DST: variants seen among roughly 807,000 people sequenced by gnomAD.
DST encodes bullous pemphigoid antigen.
DST carries 253 observed loss-of-function variants against 875.2 expected under a neutral mutation model. The observed-to-expected ratio is 0.29, with a 90% CI of 0.26 to 0.32. DST has a LOEUF of 0.32. DST is among the 10% of genes least tolerant of loss of function. DST has a pLI of 1.00. For synonymous variants in DST, 3,124 were observed against 3,197.1 expected (o/e 0.98, Z 0.77); for missense variants, 8,287 against 9,111.6 (o/e 0.91, Z 3.68).
At chr6:56,787,411 A>G (rs1457999007) in intron 4 of DST, among the ~76,000 whole-genome samples, 2 of 152,232 alleles carry the variant, frequency 1.3e-5, no homozygotes, top group African/African-American at 4.8e-5. Context: ...TTGGAAGTAC[A>G]GGATTGAGTC....
In DST at chr6:56,511,370, G is replaced by T; in HGVS notation, c.18607C>A (p.Pro6203Thr). 2 of 1,607,166 alleles carry T rather than the reference G, an allele frequency of 1.2e-6. No individual in the cohort carries two copies. The highest frequency in any genetic ancestry group is 1.7e-6 in the Non-Finnish European group (2 of 1,176,614). The stretch of plus-strand genomic sequence containing the variant: ...GTTTTGTTCATCTTATCTATATGAG[G>T]CTTGTGTTCAGCTATCAACTCACGC... ...QLRELIAEHK[P>T]HIDKMNKTGP... The change falls in exon 73 of 104, where the codon CCT becomes ACT. Residue 6203 changes from proline (P) to threonine (T), a missense_variant. Physicochemically the swap from Pro to Thr is conservative, Grantham distance 38 (BLOSUM62 -1). Transcript: ENST00000680361.
intron 55 of DST, among the ~76,000 whole-genome samples, chr6:56,563,259 A>C (rs950590087): frequency 5.3e-5 from 8 of 152,066 alleles, no homozygotes; most frequent in African/African-American, 1.9e-4. Flanking sequence ...TTGTTTCCTG[A>C]CTTTTTAATG....
chr6:56,822,285 T>G (rs1343741693), intron 4 of DST, among the ~76,000 whole-genome samples: 1 of 151,890 alleles, frequency 6.6e-6, no homozygotes, highest in Non-Finnish European at 1.5e-5. Context: ...ACAAGGTGAG[T>G]CCTACTATTA....
intron 4 of DST, among the ~76,000 whole-genome samples, chr6:56,779,855 C>T (rs951832436): frequency 1.4e-5 from 2 of 146,654 alleles, no homozygotes; most frequent in African/African-American, 5.1e-5. Flanking sequence ...AGGTATATCT[C>T]CTAATGCTAT....
chr6:56,466,383 A>G, intron 98 of DST, 188 bp from the exon 99 acceptor site: 1 of 397,778 alleles, frequency 2.5e-6, no homozygotes, highest in Non-Finnish European at 4.4e-6. Context: ...ATTTAGCCCA[A>G]AGGAAACAGT....
chr6:56,726,891 G>C (rs2099462514), intron 5 of DST, among the ~76,000 whole-genome samples: 1 of 152,204 alleles, frequency 6.6e-6, no homozygotes, highest in Non-Finnish European at 1.5e-5. Context: ...AGAGGCCGCA[G>C]ATGCATTGTT....
intron 62 of DST, among the ~76,000 whole-genome samples, chr6:56,535,928 G>T (rs920422279): frequency 9.9e-5 from 15 of 152,138 alleles, no homozygotes; most frequent in African/African-American, 3.6e-4. Flanking sequence ...TATTGTAAGT[G>T]CTATGGATTA....
chr6:56,886,648 G>A (rs916614159), intron 3 of DST, among the ~76,000 whole-genome samples: 1 of 152,088 alleles, frequency 6.6e-6, no homozygotes, highest in African/African-American at 2.4e-5. Context: ...GGTGGCACAT[G>A]CCTGTAATCC....
chr6:56,927,207 G>A (rs1807638449), intron 2 of DST, among the ~76,000 whole-genome samples: 1 of 152,004 alleles, frequency 6.6e-6, no homozygotes, highest in Admixed American at 6.6e-5. Flanking sequence ...GTCATTTCTG[G>A]ATTCATTTAA....
chr6:56,582,139 T>C (rs2098015324), intron 49 of DST, among the ~76,000 whole-genome samples: 1 of 152,184 alleles, frequency 6.6e-6, no homozygotes. Context: ...CTCCAATCAC[T>C]TCTCTAATAT....
chr6:56,609,077 T>C lies in DST; in HGVS notation c.5551A>G (p.Thr1851Ala). 2 of 1,613,878 alleles carry C rather than the reference T, an allele frequency of 1.2e-6. No homozygotes were observed. Among genetic ancestry groups the C allele is most frequent in the Non-Finnish European group, 1.7e-6 (2 of 1,179,790 alleles). ...AGAGCATCCAGTACTGGAATTGTGG[T>C]AGGTGACGCAGCAGAAATAATCTCC... ...AKEIISAASP[T>A]TIPVLDALAQ... Residue 1851 changes from threonine to alanine, a missense_variant, in exon 40 of 104, where the codon ACC (threonine) becomes GCC (alanine). Transcript: ENST00000680361.
chr6:56,821,016 A>G (rs1468571943), intron 4 of DST, among the ~76,000 whole-genome samples: 2 of 152,218 alleles, frequency 1.3e-5, no homozygotes, highest in African/African-American at 4.8e-5. Context: ...TTTTAAAATA[A>G]CACGGCTAAT....
At chr6:56,744,015 G>A (rs1419436396) in intron 4 of DST, among the ~76,000 whole-genome samples, 2 of 152,046 alleles carry the variant, frequency 1.3e-5, no homozygotes, top group Non-Finnish European at 2.9e-5. Flanking sequence ...AGGGCATGGT[G>A]ACAGGCACCT....
intron 56 of DST, 119 bp downstream of exon 56, chr6:56,562,019 A>C (rs1160669515): frequency 2.6e-5 from 14 of 541,082 alleles, no homozygotes; most frequent in Non-Finnish European, 6.2e-6. Context: ...TATTAGATTA[A>C]ATACCATTGT....
intron 4 of DST, among the ~76,000 whole-genome samples, chr6:56,779,969 T>G (rs1337735498): frequency 2.1e-5 from 3 of 145,832 alleles, no homozygotes; most frequent in Non-Finnish European, 3.0e-5. Context: ...AGTGAGAACA[T>G]GGGGTGTTTG....
rs191366471 is a variant in DST at position 56,701,878 on chromosome 6, A to G, written c.954+10T>C. 29 of 1,561,266 alleles carry G rather than the reference A, an allele frequency of 1.9e-5. No homozygotes were observed. In the Admixed American group the frequency reaches 4.9e-4, roughly 27 times the overall value. The stretch of plus-strand genomic sequence containing the variant: ...ATTTATATGATTACAGTATTTTCAA[A>G]ACATCATACCTGGCGTCTTTTCAAA... On this transcript the variant is annotated intron_variant, in intron 8 of 103. Coordinates refer to ENST00000680361, the MANE Select transcript of DST (RefSeq NM_001374736.1).
At chr6:56,769,012 T>G (rs2099642236) in intron 4 of DST, among the ~76,000 whole-genome samples, 1 of 152,144 alleles carries the variant, frequency 6.6e-6, no homozygotes, top group African/African-American at 2.4e-5. Context: ...TGAGACTCCA[T>G]CGCAATATAC....
intron 4 of DST, among the ~76,000 whole-genome samples, chr6:56,783,608 C>T (rs2099698891): frequency 1.3e-5 from 2 of 152,132 alleles, no homozygotes; most frequent in South Asian, 2.1e-4. Flanking sequence ...TATTTTGAGC[C>T]TATGTGTGTC....
At chr6:56,764,820 G>C (rs1262363187) in intron 4 of DST, among the ~76,000 whole-genome samples, 1 of 152,082 alleles carries the variant, frequency 6.6e-6, no homozygotes, top group Non-Finnish European at 1.5e-5. Flanking sequence ...AGCCGTGCAT[G>C]ATGGCAGATG....
Sources: allele counts gnomAD v4.1 joint callset (sites outside exome capture counted in the v4.1 genomes callset), GRCh38; gene constraint gnomAD v4.1.1; transcripts MANE v1.5; gene names NCBI Gene and HGNC (gene_info 2026-07-23, HGNC 2026-07-21).